The following CDH12 variants were observed in gnomAD, a reference collection of about 807,000 sequenced individuals.
CDH12 encodes cadherin-12.
CDH12 carries 41 observed loss-of-function variants against 74.1 expected under a neutral mutation model. That is an observed-to-expected ratio of 0.55 (90% CI 0.43 to 0.72). The LOEUF is 0.72. CDH12 is among the 30% of genes least tolerant of loss of function. The probability of loss-of-function intolerance (pLI) is 0.00; values close to 1 mark genes in which losing one functional copy is unlikely to be tolerated. For missense variants in CDH12, 945 were observed against 977.2 expected (o/e 0.97, Z 0.44); for synonymous variants, 399 against 355.0 (o/e 1.12, Z -1.39).
intron 1 of CDH12, among the ~76,000 whole-genome samples, chr5:22,831,900 C>CA (rs933458337): frequency 2.2e-4 from 32 of 147,018 alleles, no homozygotes; most frequent in East Asian, 1.8e-3. Flanking sequence ...CTGTCCCCCC[C>CA]AAAAAAAAAA....
chr5:22,128,738 T>C (rs1326461218), intron 4 of CDH12, among the ~76,000 whole-genome samples: 1 of 152,182 alleles, frequency 6.6e-6, no homozygotes, highest in Non-Finnish European at 1.5e-5. Flanking sequence ...TCTTCAAAAA[T>C]TAGTCCAGGT....
intron 1 of CDH12, chr5:22,580,480 C>A: frequency 2.0e-6 from 1 of 501,668 alleles, no homozygotes; most frequent in South Asian, 1.5e-5. Context: ...TCAGACAAGT[C>A]ATACTTATGG....
intron 5 of CDH12, among the ~76,000 whole-genome samples, chr5:21,981,527 T>C (rs1455702986): frequency 6.6e-6 from 1 of 152,086 alleles, no homozygotes; most frequent in African/African-American, 2.4e-5. Context: ...TTTTTTGACA[T>C]TGGAATGTAT....
At chr5:22,089,469 C>T (rs1462391081) in intron 4 of CDH12, among the ~76,000 whole-genome samples, 1 of 151,904 alleles carries the variant, frequency 6.6e-6, no homozygotes, top group African/African-American at 2.4e-5. Flanking sequence ...TGTAACAATG[C>T]ATAAAGAATT....
intron 6 of CDH12, among the ~76,000 whole-genome samples, chr5:21,906,373 T>C (rs1275869258): frequency 1.3e-5 from 2 of 152,152 alleles, no homozygotes; most frequent in African/African-American, 2.4e-5. Flanking sequence ...ATTTGACACA[T>C]ACTTTAGAAT....
chr5:22,387,826 T>A (rs1402990127), intron 3 of CDH12, among the ~76,000 whole-genome samples: 2 of 152,166 alleles, frequency 1.3e-5, no homozygotes, highest in South Asian at 2.1e-4. Context: ...TTTAAATGCC[T>A]ATATCTGCTC....
intron 3 of CDH12, among the ~76,000 whole-genome samples, chr5:22,332,907 G>T (rs1191969207): frequency 6.6e-6 from 1 of 152,110 alleles, no homozygotes; most frequent in Non-Finnish European, 1.5e-5. Flanking sequence ...AGACAGTTTG[G>T]TGATTCCTCA....
chr5:22,769,765 C>A (rs1026918099), intron 1 of CDH12, among the ~76,000 whole-genome samples: 13 of 151,062 alleles, frequency 8.6e-5, no homozygotes, highest in African/African-American at 2.4e-4. Context: ...GGTGGGTAAC[C>A]AAAACAATAC....
At chr5:22,442,546 G>T (rs1260647232) in intron 2 of CDH12, among the ~76,000 whole-genome samples, 2 of 152,070 alleles carry the variant, frequency 1.3e-5, no homozygotes, top group East Asian at 3.9e-4. Context: ...GACATAGATC[G>T]AACTGAAATC....
At chr5:22,421,434 G>A (rs530979062) in intron 2 of CDH12, among the ~76,000 whole-genome samples, 159 of 152,128 alleles carry the variant, frequency 1.0e-3, no homozygotes, top group African/African-American at 3.6e-3. Context: ...GAGAACATGC[G>A]GTGTTTGGTT....
intron 1 of CDH12, among the ~76,000 whole-genome samples, chr5:22,510,393 G>A (rs1736552820): frequency 6.6e-6 from 1 of 152,130 alleles, no homozygotes; most frequent in Non-Finnish European, 1.5e-5. Context: ...AAAAACGTAT[G>A]TTATTGGCAT....
chr5:22,187,816 A>G (rs1258192163), intron 4 of CDH12, among the ~76,000 whole-genome samples: 1 of 152,180 alleles, frequency 6.6e-6, no homozygotes, highest in African/African-American at 2.4e-5. Context: ...TTGAATTGGT[A>G]AGTTGCTTAA....
chr5:22,188,665 A>C (rs551743932), intron 4 of CDH12, among the ~76,000 whole-genome samples: 46 of 152,326 alleles, frequency 3.0e-4, no homozygotes, highest in Non-Finnish European at 4.9e-4. Flanking sequence ...TGTGCCTATT[A>C]GCATTTTAAA....
intron 8 of CDH12, among the ~76,000 whole-genome samples, chr5:21,825,609 C>T (rs1179231226): frequency 6.6e-6 from 1 of 152,092 alleles, no homozygotes; most frequent in African/African-American, 2.4e-5. Context: ...GTTACCCATG[C>T]CTACTTAACA....
At chr5:21,915,753 C>T (rs1754056559) in intron 6 of CDH12, among the ~76,000 whole-genome samples, 1 of 151,216 alleles carries the variant, frequency 6.6e-6, no homozygotes, top group Non-Finnish European at 1.5e-5. Flanking sequence ...AAGAAAACAG[C>T]AGGAGGAAGA....
At chr5:22,041,012 C>T (rs1739536607) in intron 5 of CDH12, among the ~76,000 whole-genome samples, 2 of 151,966 alleles carry the variant, frequency 1.3e-5, no homozygotes, top group Admixed American at 6.6e-5. Flanking sequence ...GCTACAATAA[C>T]TTGTTTTAAA....
chr5:22,049,813 A>G (rs1456604276), intron 5 of CDH12, among the ~76,000 whole-genome samples: 1 of 150,586 alleles, frequency 6.6e-6, no homozygotes, highest in Non-Finnish European at 1.5e-5. Context: ...ATATTTTTAA[A>G]CTCTGATGTT....
chr5:22,614,393 C>T (rs1737577888), intron 1 of CDH12, among the ~76,000 whole-genome samples: 1 of 56,128 alleles, frequency 1.8e-5, no homozygotes, highest in Non-Finnish European at 3.6e-5. Context: ...ACCTCACCTA[C>T]CTGAAGGATC....
chr5:21,857,389 A>G (rs4277877), intron 6 of CDH12, among the ~76,000 whole-genome samples: 97,005 of 151,654 alleles, frequency 0.64, 34,937 homozygotes, highest in East Asian at 0.8. Flanking sequence ...CTCATAGAGA[A>G]AACACTCTTG....
Sources: allele counts gnomAD v4.1 joint callset (sites outside exome capture counted in the v4.1 genomes callset), GRCh38; gene constraint gnomAD v4.1.1; transcripts MANE v1.5; gene names NCBI Gene and HGNC (gene_info 2026-07-23, HGNC 2026-07-21).